The following ST8SIA6 variants were observed in gnomAD, a reference collection of about 807,000 sequenced individuals.
The protein encoded by ST8SIA6 is alpha-2,8-sialyltransferase 8F.
ST8SIA6 carries 39 observed loss-of-function variants against 33.6 expected under a neutral mutation model. That is an observed-to-expected ratio of 1.16 (90% CI 0.90 to 1.52). ST8SIA6 has a LOEUF of 1.52. Among genes scored for constraint, ST8SIA6 ranks in the 40% most tolerant of loss-of-function variants. The probability of loss-of-function intolerance (pLI) is 0.00; values close to 1 mark genes in which losing one functional copy is unlikely to be tolerated. For synonymous variants in ST8SIA6, 172 were observed against 167.2 expected (o/e 1.03, Z -0.22); for missense variants, 441 against 443.8 (o/e 0.99, Z 0.06).
rs1160894 is a variant in ST8SIA6 at position 17,320,670 on chromosome 10, T to TATC, written c.*207_*208insGAT. ...ATTATAAAAATTTGTATGAGTCAGA[T>TATC]ATGGTGTCCATGTTATAAGGAGAAA... On this transcript the variant is annotated 3_prime_UTR_variant, in exon 8 of 8. Transcript: ENST00000377602. The TATC allele has an allele frequency of 0.35, 202,152 of 574,012 alleles. 40,191 individuals carry two copies. The highest frequency in any genetic ancestry group is 0.66 in the African/African-American group (34,983 of 53,196). 35.6% of individuals were successfully genotyped at this position (574,012 alleles called of 1,614,324 possible).
chr10:17,375,796 G>A (rs17140906), intron 3 of ST8SIA6, among the ~76,000 whole-genome samples: 27,517 of 152,142 alleles, frequency 0.18, 2,638 homozygotes, highest in South Asian at 0.22. Context: ...AGACATCTCA[G>A]TCCCTTACTA....
chr10:17,402,426 T>A (rs1406103152), intron 2 of ST8SIA6, among the ~76,000 whole-genome samples: 1 of 152,220 alleles, frequency 6.6e-6, no homozygotes, highest in Non-Finnish European at 1.5e-5. Context: ...ATCCCATTAC[T>A]GGGTATATAC....
At position 17,321,755 on chromosome 10, in the gene ST8SIA6, A is replaced by G. The variant is rs528075497; in HGVS notation, c.729-409T>C. Among the ~76,000 whole-genome samples the G allele has an allele frequency of 5.9e-5, 9 of 152,286 alleles. No homozygotes were observed. The South Asian group carries it at 1.9e-3, about 32-fold the overall frequency. On this transcript the variant is annotated intron_variant, in intron 7 of 7. Transcript: ENST00000377602. ...TTTTAAAAAATTCATTGAGCTGCGC[A>G]CTTATGATTTGTACATCTTTTGCAC...
At chr10:17,430,092 C>T (rs1182053766) in intron 2 of ST8SIA6, among the ~76,000 whole-genome samples, 1 of 152,108 alleles carries the variant, frequency 6.6e-6, no homozygotes, top group African/African-American at 2.4e-5. Flanking sequence ...ATTATATGCA[C>T]CCTGTATGCC....
At chr10:17,433,966 G>A (rs1304056418) in intron 2 of ST8SIA6, among the ~76,000 whole-genome samples, 3 of 152,008 alleles carry the variant, frequency 2.0e-5, no homozygotes, top group African/African-American at 7.2e-5. Flanking sequence ...CTTTAGATGT[G>A]GTGCAAATGT....
intron 7 of ST8SIA6, among the ~76,000 whole-genome samples, chr10:17,322,597 A>G (rs1847994821): frequency 6.6e-6 from 1 of 152,190 alleles, no homozygotes; most frequent in African/African-American, 2.4e-5. Flanking sequence ...ATTAGCCAAC[A>G]ATTGTATGGT....
In ST8SIA6 at chr10:17,318,760, C is replaced by G; in HGVS notation, c.*2118G>C. 2.1e-6 allele frequency: 1 copy of G among 469,488 alleles called. No homozygotes were observed. Among genetic ancestry groups the G allele is most frequent in the Non-Finnish European group, 4.4e-6 (1 of 226,944 alleles). 29.1% of individuals were successfully genotyped at this position (469,488 alleles called of 1,614,324 possible). A position where few individuals can be genotyped will look rare whatever the true frequency, so the allele number is the denominator to read the frequency against. On this transcript the variant is annotated 3_prime_UTR_variant, in exon 8 of 8. Coordinates refer to ENST00000377602, the MANE Select transcript of ST8SIA6 (RefSeq NM_001004470.3). ...TTGGTGAAAAATTTGCAATGATTCA[C>G]CAATACAGAACAAAAAGAACTGTGA...
At chr10:17,335,827 A>C (rs1165510243) in intron 4 of ST8SIA6, among the ~76,000 whole-genome samples, 1 of 152,224 alleles carries the variant, frequency 6.6e-6, no homozygotes, top group Non-Finnish European at 1.5e-5. Flanking sequence ...AAAGCAACAT[A>C]ATAAATTCTC....
intron 2 of ST8SIA6, among the ~76,000 whole-genome samples, chr10:17,425,731 G>A (rs1851918406): frequency 1.3e-5 from 2 of 151,016 alleles, no homozygotes; most frequent in South Asian, 4.2e-4. Flanking sequence ...AAGGAAGGAG[G>A]AAGGAAGGGA....
At chr10:17,430,944 A>G (rs767723511) in intron 2 of ST8SIA6, among the ~76,000 whole-genome samples, 2 of 152,180 alleles carry the variant, frequency 1.3e-5, no homozygotes, top group Non-Finnish European at 2.9e-5. Flanking sequence ...GCCCAAAGCC[A>G]TTCCCAAACC....
At chr10:17,348,604 A>C (rs1191987485) in intron 4 of ST8SIA6, among the ~76,000 whole-genome samples, 2 of 152,166 alleles carry the variant, frequency 1.3e-5, no homozygotes, top group Non-Finnish European at 2.9e-5. Context: ...GCGGGTTCAC[A>C]TACCTAAAGG....
At chr10:17,389,140 A>C (rs1411060750) in intron 3 of ST8SIA6, among the ~76,000 whole-genome samples, 2 of 152,088 alleles carry the variant, frequency 1.3e-5, no homozygotes, top group Non-Finnish European at 2.9e-5. Context: ...CAGCCTGACC[A>C]TCAGCACTCC....
chr10:17,345,379 T>G (rs141580832), intron 4 of ST8SIA6, among the ~76,000 whole-genome samples: 5 of 152,310 alleles, frequency 3.3e-5, no homozygotes, highest in African/African-American at 1.2e-4. Context: ...CCCAAGGAAC[T>G]GGGCCAGGCA....
At chr10:17,433,191 GA>G (rs952666208) in intron 2 of ST8SIA6, among the ~76,000 whole-genome samples, 39 of 151,750 alleles carry the variant, frequency 2.6e-4, no homozygotes, top group Non-Finnish European at 4.1e-4. Context: ...AAATCTGGGG[GA>G]AAAAAAATAA....
rs1180631240 is a variant in ST8SIA6, at chr10:17,393,789, C to A, written c.201-3169G>T. On this transcript the variant is annotated intron_variant, in intron 2 of 7. Transcript: ENST00000377602. ...AAACAAGACAGATTCATAAGTAATT[C>A]TCCAATATTTCTCAGAAATCCTTTC... Among the ~76,000 whole-genome samples the A allele has an allele frequency of 3.3e-5, 5 of 152,190 alleles. 1 individual carries two copies. Among genetic ancestry groups the A allele is most frequent in the Non-Finnish European group, 5.9e-5 (4 of 68,036 alleles).
intron 3 of ST8SIA6, among the ~76,000 whole-genome samples, chr10:17,388,994 G>T (rs1025747493): frequency 6.6e-6 from 1 of 152,094 alleles, no homozygotes; most frequent in African/African-American, 2.4e-5. Context: ...ATCAGTACTT[G>T]AGATATTTTT....
chr10:17,374,114 C>CAT (rs57818141), intron 3 of ST8SIA6, among the ~76,000 whole-genome samples: 5 of 141,918 alleles, frequency 3.5e-5, no homozygotes, highest in Non-Finnish European at 6.2e-5. Context: ...CACACACACA[C>CAT]GGGAAAAGTA....
In ST8SIA6 at chr10:17,385,295, A is replaced by G. The variant is rs904007356; in HGVS notation, c.290+5236T>C. 2.6e-5 allele frequency among the ~76,000 whole-genome samples: 4 copies of G among 152,150 alleles called. No homozygotes were observed. In the East Asian group the frequency reaches 7.7e-4, roughly 29 times the overall value. On this transcript the variant is annotated intron_variant, in intron 3 of 7. Transcript: ENST00000377602. ...TTTGTGACCTGGAAGTTCCCCCCAC[A>G]CTTCGAGTCTTCCTGCCTTTGCTTC...
At chr10:17,347,224 C>T (rs1277436284) in intron 4 of ST8SIA6, among the ~76,000 whole-genome samples, 2 of 152,200 alleles carry the variant, frequency 1.3e-5, no homozygotes, top group Admixed American at 6.5e-5. Context: ...ATACAATTAG[C>T]CATCCCAGTA....
Sources: gnomAD v4.1 joint callset for allele counts (sites outside exome capture counted in the v4.1 genomes callset) on GRCh38, gnomAD v4.1.1 for gene constraint, MANE v1.5 for transcripts, NCBI Gene and HGNC (gene_info 2026-07-23, HGNC 2026-07-21) for gene names.